Variants in ARVCF observed in about 807,000 individuals in gnomAD.
ARVCF encodes the protein splicing regulator ARVCF.
Under a neutral mutation model 90.9 loss-of-function variants are expected in ARVCF, and 66 were observed. The observed-to-expected ratio is 0.73, with a 90% CI of 0.60 to 0.89. The LOEUF is 0.89. ARVCF is among the 40% of genes least tolerant of loss of function. The pLI, the probability that ARVCF is intolerant of heterozygous loss-of-function variation, is 0.00. For missense variants in ARVCF, 1,469 were observed against 1,382.3 expected (o/e 1.06, Z -1.00); for synonymous variants, 653 against 603.4 (o/e 1.08, Z -1.21).
chr22:20,003,818 T>G (rs1457206804), intron 2 of ARVCF, among the ~76,000 whole-genome samples: 4 of 152,214 alleles, frequency 2.6e-5, no homozygotes. Flanking sequence ...AAGACAAAGA[T>G]GGCTGTTTTG....
chr22:19,988,248 C>A (rs1943893578), intron 3 of ARVCF, among the ~76,000 whole-genome samples: 1 of 152,250 alleles, frequency 6.6e-6, no homozygotes, highest in South Asian at 2.1e-4. Context: ...TCAGTTCCCC[C>A]ACCTGCAGAG....
At chr22:19,999,210 C>T (rs1944359174) in intron 2 of ARVCF, among the ~76,000 whole-genome samples, 1 of 152,212 alleles carries the variant, frequency 6.6e-6, no homozygotes, top group Non-Finnish European at 1.5e-5. Context: ...GCTGACCAGG[C>T]ACCTGGCAGC....
intron 1 of ARVCF, among the ~76,000 whole-genome samples, chr22:20,015,363 G>A (rs1337586122): frequency 5.3e-5 from 8 of 152,244 alleles, no homozygotes; most frequent in Admixed American, 2.6e-4. Context: ...GACACGCTGC[G>A]GCTCACACTG....
chr22:19,980,337 C>T (rs1943425176), intron 5 of ARVCF, 95 bp from the exon 6 acceptor site: 2 of 1,434,088 alleles, frequency 1.4e-6, no homozygotes, highest in Admixed American at 2.8e-5. Context: ...ACTGCAAACT[C>T]ACCCAGCAGC....
At chr22:19,981,765 G>A (rs769153427) in intron 4 of ARVCF, 28 bp from the exon 5 acceptor site, 5 of 1,552,484 alleles carry the variant, frequency 3.2e-6, no homozygotes, top group Non-Finnish European at 3.5e-6. Flanking sequence ...AGGTAGGTGG[G>A]GTAGCACGAG....
Position 19,978,962 on chromosome 22 carries a change from G to T in ARVCF, c.1515C>A (p.Asn505Lys). ...CGGCGTCCCGTGGCTTGGAGTCCTCGTTGGGCTCACGCTCCCATCCTGAGT... is the reference window on the plus strand; with the variant it reads ...CGGCGTCCCGTGGCTTGGAGTCCTCTTTGGGCTCACGCTCCCATCCTGAGT... ...VPHSGWEREP[N>K]EDSKPRDAEW... The change falls in exon 7 of 20, where the codon AAC becomes AAA. Residue 505 changes from asparagine (N) to lysine (K), a missense_variant. Transcript: ENST00000263207. 1.2e-6 allele frequency: 2 copies of T among 1,613,318 alleles called. No individual in the cohort carries two copies. The highest frequency in any genetic ancestry group is 2.2e-5 in the East Asian group (1 of 44,870).
chr22:19,976,789 C>T, intron 9 of ARVCF, 66 bp from the exon 10 acceptor site: 1 of 1,534,944 alleles, frequency 6.5e-7, no homozygotes, highest in Non-Finnish European at 8.8e-7. Context: ...CATCACCCCC[C>T]CATGCCCTCC....
chr22:19,981,121 C>A, intron 5 of ARVCF, 90 bp downstream of exon 5: 2 of 1,415,988 alleles, frequency 1.4e-6, no homozygotes, highest in South Asian at 1.5e-5. Context: ...AACTCAACTG[C>A]GCCACTTGAC....
downstream of ARVCF, among the ~76,000 whole-genome samples, chr22:19,968,279 G>A (rs1408225288): frequency 6.6e-6 from 1 of 152,178 alleles, no homozygotes; most frequent in East Asian, 1.9e-4. Context: ...CTAAGGGATG[G>A]ATACTCCTGA....
At chr22:20,016,488 G>C (rs1199228641) in intron 1 of ARVCF, 101 bp downstream of exon 1, 1 of 152,138 alleles carries the variant, frequency 6.6e-6, no homozygotes, top group African/African-American at 2.4e-5. Context: ...CCGGACCGCT[G>C]CCCGGAATGC....
chr22:19,992,744 T>A (rs1488825658), intron 2 of ARVCF, among the ~76,000 whole-genome samples: 2 of 146,372 alleles, frequency 1.4e-5, no homozygotes, highest in Non-Finnish European at 3.0e-5. Context: ...CTTCCCTCCC[T>A]GTGCAGAGAC....
In ARVCF at chr22:19,979,344, C is replaced by T. The variant is rs1943348405; in HGVS notation, c.1397-264G>A. 7 of 540,358 alleles carry T rather than the reference C, an allele frequency of 1.3e-5. No individual in the cohort carries two copies. In the Middle Eastern group the frequency reaches 1.5e-3, roughly 113 times the overall value. The allele number at this position is 540,358 out of a possible 1,614,324, so 33.5% of individuals were successfully genotyped here. On this transcript the variant is annotated intron_variant, in intron 6 of 19. Coordinates refer to ENST00000263207, the MANE Select transcript of ARVCF (RefSeq NM_001670.3). ...ATTCCCTGCCATGTGGCAGGTGGCA[C>T]TAACACTCCTGAGGCCACAGGGCCT...
Position 20,016,735 on chromosome 22 carries a change from A to G in ARVCF, c.-219T>C, listed in dbSNP as rs1217623912. 1 of 150,896 alleles carries G rather than the reference A, an allele frequency of 6.6e-6. No homozygotes were observed. The highest frequency in any genetic ancestry group is 1.5e-5 in the Non-Finnish European group (1 of 67,690). 9.3% of individuals were successfully genotyped at this position (150,896 alleles called of 1,614,324 possible). A position where few individuals can be genotyped will look rare whatever the true frequency, so the allele number is the denominator to read the frequency against. ...CGCAGTCCACGCGGCCGCAACTCGG[A>G]CCGGTGCGGGGGCCGCCCCCTCCCT... On this transcript the variant is annotated 5_prime_UTR_variant, in exon 1 of 20. Coordinates refer to ENST00000263207, the MANE Select transcript of ARVCF (RefSeq NM_001670.3).
intron 10 of ARVCF, 153 bp from the exon 11 acceptor site, chr22:19,975,910 G>A: frequency 1.3e-6 from 1 of 746,912 alleles, no homozygotes; most frequent in Non-Finnish European, 2.2e-6. Flanking sequence ...CGTTGTCAGA[G>A]TTTGGGCAGA....
At chr22:19,995,617 G>A (rs1157358871) in intron 2 of ARVCF, among the ~76,000 whole-genome samples, 3 of 152,196 alleles carry the variant, frequency 2.0e-5, no homozygotes, top group Non-Finnish European at 4.4e-5. Flanking sequence ...TCGGGAGTGC[G>A]GCCAGAGCCT....
At chr22:20,001,945 C>T (rs772033400) in intron 2 of ARVCF, among the ~76,000 whole-genome samples, 3 of 152,170 alleles carry the variant, frequency 2.0e-5, no homozygotes, top group Non-Finnish European at 4.4e-5. Context: ...GTCCTCCCAA[C>T]CCCAACAGCA....
intron 6 of ARVCF, 118 bp from the exon 7 acceptor site, chr22:19,979,198 A>G (rs1454650694): frequency 3.5e-6 from 4 of 1,150,882 alleles, no homozygotes; most frequent in Non-Finnish European, 4.9e-6. Context: ...GCAGAACAGT[A>G]GGAAGTAACA....
chr22:19,991,844 G>A (rs955983942), intron 2 of ARVCF, among the ~76,000 whole-genome samples: 10 of 152,268 alleles, frequency 6.6e-5, no homozygotes, highest in Non-Finnish European at 1.2e-4. Flanking sequence ...CACACTGCCC[G>A]GAGCACAGTG....
At chr22:20,007,233 TA>T (rs202108519) in intron 2 of ARVCF, among the ~76,000 whole-genome samples, 14 of 148,838 alleles carry the variant, frequency 9.4e-5, no homozygotes, top group South Asian at 2.1e-4. Context: ...CCATCTCTAT[TA>T]AAAAAAAAAA....
Sources: gnomAD v4.1 joint callset for allele counts (sites outside exome capture counted in the v4.1 genomes callset) on GRCh38, gnomAD v4.1.1 for gene constraint, MANE v1.5 for transcripts, NCBI Gene and HGNC (gene_info 2026-07-23, HGNC 2026-07-21) for gene names.